MLKL: variants seen among roughly 807,000 people sequenced by gnomAD.
The protein encoded by MLKL is mixed lineage kinase domain like pseudokinase.
A neutral mutation model predicts 56.5 loss-of-function variants in MLKL; 55 were observed. The observed-to-expected ratio is 0.97, with a 90% confidence interval of 0.78 to 1.22. MLKL has a LOEUF of 1.22. MLKL is among the 50% of genes most tolerant of loss of function. MLKL has a pLI of 0.00. For synonymous variants in MLKL, 251 were observed against 208.3 expected (o/e 1.20, Z -1.76); for missense variants, 694 against 573.9 (o/e 1.21, Z -2.14).
intron 3 of MLKL, among the ~76,000 whole-genome samples, chr16:74,691,879 T>C (rs1181566640): frequency 2.6e-5 from 4 of 152,210 alleles, no homozygotes; most frequent in Non-Finnish European, 5.9e-5. Flanking sequence ...CTTGCTGTTG[T>C]GTGTTCACTG....
intron 4 of MLKL, among the ~76,000 whole-genome samples, chr16:74,688,696 G>T (rs2144524293): frequency 6.6e-6 from 1 of 152,240 alleles, no homozygotes; most frequent in African/African-American, 2.4e-5. Flanking sequence ...CTGGGTGACA[G>T]AGCAAGACTC....
chr16:74,683,336 C>T (rs1362015571), intron 5 of MLKL, among the ~76,000 whole-genome samples: 1 of 151,166 alleles, frequency 6.6e-6, no homozygotes, highest in Admixed American at 6.6e-5. Context: ...TGACTCACGC[C>T]TGTAATCCTG....
At chr16:74,683,084 G>A (rs146712620) in intron 5 of MLKL, among the ~76,000 whole-genome samples, 3,673 of 152,256 alleles carry the variant, frequency 0.024, 63 homozygotes, top group Non-Finnish European at 0.035. Context: ...ACCAATGTGG[G>A]TGGAACACAA....
At chr16:74,692,554 A>G in intron 2 of MLKL, 138 bp from the exon 3 acceptor site, 1 of 645,336 alleles carries the variant, frequency 1.5e-6, no homozygotes. Flanking sequence ...ACTACTGATC[A>G]CCAATATTCA....
In MLKL at chr16:74,682,816, AC is replaced by A; in HGVS notation, c.821-31del. ...TGGAAAGGAGCCAGACACTATGAGG[AC>A]CCGCCCTACTTGAAGCTTCCCATGT... is the stretch of plus-strand genomic sequence containing the variant. On this transcript the variant is annotated intron_variant, in intron 5 of 10. Transcript: ENST00000308807. The A allele has an allele frequency of 2.5e-6, 4 of 1,611,946 alleles. No homozygotes were observed. The South Asian group carries it at 4.4e-5, about 18-fold the overall frequency.
rs756077475 is a variant in MLKL, at chr16:74,695,649, C to G, written c.109G>C (p.Gly37Arg). 3.1e-6 allele frequency: 5 copies of G among 1,614,144 alleles called. No individual in the cohort carries two copies. The South Asian group carries it at 5.5e-5, about 18-fold the overall frequency. Residue 37 changes from glycine (G) to arginine (R), a missense_variant, in exon 2 of 11, where the codon GGC (glycine) becomes CGC (arginine). Gly to Arg is a moderately radical substitution (Grantham distance 125). Transcript: ENST00000308807. Reference protein sequence around the residue: ...QCRRLGHRVLGLIKPLEMLQD... With the variant: ...QCRRLGHRVLRLIKPLEMLQD... ...AGCATCTCCAGAGGCTTGATCAGGC[C>G]GAGGACGCGGTGGCCCAGGCGCCGG...
chr16:74,691,636 T>C (rs1960688125), intron 3 of MLKL, among the ~76,000 whole-genome samples, 173 bp from the exon 4 acceptor site: 1 of 152,186 alleles, frequency 6.6e-6, no homozygotes, highest in South Asian at 2.1e-4. Flanking sequence ...CTCCCGTGCC[T>C]CTGAGTGACC....
intron 4 of MLKL, among the ~76,000 whole-genome samples, chr16:74,687,045 G>A (rs371787443): frequency 6.6e-6 from 1 of 152,002 alleles, no homozygotes; most frequent in Non-Finnish European, 1.5e-5. Context: ...GCATGATCTC[G>A]GCTCACTGCA....
At chr16:74,694,491 G>A (rs1033701064) in intron 2 of MLKL, among the ~76,000 whole-genome samples, 6 of 151,396 alleles carry the variant, frequency 4.0e-5, no homozygotes, top group African/African-American at 1.5e-4. Flanking sequence ...CTGCAGCCTC[G>A]ACCTCCTAGG....
At position 74,685,573 on chromosome 16, in the gene MLKL, G is replaced by C. The variant is rs867785638; in HGVS notation, c.733C>G (p.Gln245Glu). ...GTTTTGATCTCCTTATTGAAAGTCT[G>C]CCTCACTATTCTATAAGGATTAAAG... Reference protein sequence around the residue: ...LQAGSIAIVRQTFNKEIKTMK... With the variant: ...LQAGSIAIVRETFNKEIKTMK... The change falls in exon 5 of 11, where the codon CAG becomes GAG. Residue 245 changes from glutamine to glutamate, a missense_variant. Gln to Glu is a conservative substitution (Grantham distance 29). Coordinates refer to ENST00000308807, the MANE Select transcript of MLKL (RefSeq NM_152649.4). 1 of 1,611,794 alleles carries C rather than the reference G, an allele frequency of 6.2e-7. No individual in the cohort carries two copies. The highest frequency in any genetic ancestry group is 1.3e-5 in the African/African-American group (1 of 74,864).
intron 3 of MLKL, 32 bp downstream of exon 3, chr16:74,692,310 C>T (rs752178760): frequency 5.0e-6 from 8 of 1,585,878 alleles, no homozygotes; most frequent in Non-Finnish European, 6.9e-6. Flanking sequence ...GTTTGGGGGC[C>T]ATCAGAAACA....
chr16:74,678,794 T>G, intron 7 of MLKL, 105 bp downstream of exon 7: 4 of 822,260 alleles, frequency 4.9e-6, no homozygotes, highest in Non-Finnish European at 2.0e-6. Context: ...AATAAATAAA[T>G]AAATAAACTA....
chr16:74,685,339 TG>T (rs985528816), intron 5 of MLKL, 146 bp downstream of exon 5: 7 of 647,534 alleles, frequency 1.1e-5, no homozygotes, highest in East Asian at 5.6e-5. Context: ...CATCTTGGGA[TG>T]AAAAAAAAAA....
At chr16:74,682,594 T>C in intron 6 of MLKL, 57 bp downstream of exon 6, 1 of 1,598,734 alleles carries the variant, frequency 6.3e-7, no homozygotes, top group Non-Finnish European at 8.5e-7. Context: ...TCTGGGAGTA[T>C]CAGGAGTGTG....
intron 5 of MLKL, among the ~76,000 whole-genome samples, chr16:74,683,314 T>C (rs930940251): frequency 1.4e-5 from 2 of 147,548 alleles, no homozygotes; most frequent in African/African-American, 2.5e-5. Context: ...AAAAATGTTC[T>C]GCCAGGTGTG....
intron 2 of MLKL, among the ~76,000 whole-genome samples, chr16:74,692,665 G>C (rs1246064652): frequency 3.3e-5 from 5 of 152,226 alleles, no homozygotes; most frequent in African/African-American, 9.6e-5. Flanking sequence ...CTTCCCAGAG[G>C]GAGCATTTAA....
chr16:74,686,917 A>G lies in MLKL; in HGVS notation c.723-1334T>C, dbSNP rs192950293. Among the ~76,000 whole-genome samples the G allele has an allele frequency of 1.1e-3, 166 of 152,374 alleles. 1 individual carries two copies. The highest frequency in any genetic ancestry group is 8.3e-3 in the South Asian group (40 of 4,832). ...ATACTTAGGAATAAATTTACAAAAG[A>G]AGTGCAAGTCTCACCCTGAAAATTT... On this transcript the variant is annotated intron_variant, in intron 4 of 10. Coordinates refer to ENST00000308807, the MANE Select transcript of MLKL (RefSeq NM_152649.4).
At chr16:74,686,883 G>A (rs1011090448) in intron 4 of MLKL, among the ~76,000 whole-genome samples, 2 of 152,190 alleles carry the variant, frequency 1.3e-5, no homozygotes, top group African/African-American at 4.8e-5. Context: ...ATAGCATAAA[G>A]AGAATAAAAT....
chr16:74,688,263 C>A (rs1960458288), intron 4 of MLKL, among the ~76,000 whole-genome samples: 2 of 152,238 alleles, frequency 1.3e-5, no homozygotes, highest in African/African-American at 4.8e-5. Flanking sequence ...AGCTGCAGTG[C>A]CAGGCCAGCA....
Sources: allele counts gnomAD v4.1 joint callset (sites outside exome capture counted in the v4.1 genomes callset), GRCh38; gene constraint gnomAD v4.1.1; transcripts MANE v1.5; gene names NCBI Gene and HGNC (gene_info 2026-07-23, HGNC 2026-07-21).